The following ARHGAP17 variants were observed in gnomAD, a reference collection of about 807,000 sequenced individuals.
ARHGAP17 encodes rho GTPase-activating protein 17.
A neutral mutation model predicts 99.5 loss-of-function variants in ARHGAP17; 57 were observed. The observed-to-expected ratio is 0.57, with a 90% confidence interval of 0.46 to 0.71. The LOEUF (loss-of-function observed/expected upper bound fraction) is 0.71, where lower values mean the gene tolerates loss of function less well. Ranked by LOEUF, ARHGAP17 falls within the 30% of genes least tolerant of loss-of-function variation. ARHGAP17 has a pLI of 0.00. For synonymous variants in ARHGAP17, 417 were observed against 429.6 expected, an observed-to-expected ratio of 0.97 and a Z score of 0.36; for missense variants, 1,000 against 1,122.4, an observed-to-expected ratio of 0.89 and a Z score of 1.56.
At chr16:24,956,452 G>C (rs1329881306) in intron 9 of ARHGAP17, 1 of 152,230 alleles carries the variant, frequency 6.6e-6, no homozygotes, top group Non-Finnish European at 1.5e-5. Flanking sequence ...CTCAGGAAGA[G>C]GGCAATTGAA....
At chr16:24,989,190 C>T (rs2141417551) in intron 1 of ARHGAP17, among the ~76,000 whole-genome samples, 1 of 152,302 alleles carries the variant, frequency 6.6e-6, no homozygotes, top group African/African-American at 2.4e-5. Context: ...TGACTCAGTG[C>T]TGTGACTGAT....
In ARHGAP17 at chr16:24,949,294, G is replaced by T. The variant is rs201333842; in HGVS notation, c.1127+110C>A. ...TCTCCAAAGTGATGTGGTTTTTTTT[G>T]TTGTTGTTGTTGTTTTTTAATGTGC... On this transcript the variant is annotated intron_variant, in intron 13 of 19. Coordinates refer to ENST00000289968, the MANE Select transcript of ARHGAP17 (RefSeq NM_001006634.3). 5.6e-4 allele frequency: 400 copies of T among 717,362 alleles called. No individual in the cohort carries two copies. In the East Asian group the frequency reaches 8.9e-3, roughly 16 times the overall value. 44.4% of individuals were successfully genotyped at this position (717,362 alleles called of 1,614,324 possible). A position where few individuals can be genotyped will look rare whatever the true frequency, so the allele number is the denominator to read the frequency against.
intron 19 of ARHGAP17, chr16:24,929,598 G>C (rs1040674118): frequency 1.0e-6 from 1 of 987,658 alleles, no homozygotes; most frequent in Non-Finnish European, 1.2e-6. Flanking sequence ...CAAGCTGCTC[G>C]GGGCCATTAC....
intron 7 of ARHGAP17, among the ~76,000 whole-genome samples, chr16:24,963,665 T>C (rs2052082667): frequency 6.6e-6 from 1 of 152,192 alleles, no homozygotes; most frequent in African/African-American, 2.4e-5. Flanking sequence ...CTAATTAATC[T>C]GTAATTTATG....
intron 12 of ARHGAP17, 65 bp from the exon 13 acceptor site, chr16:24,949,549 TG>T (rs1239980679): frequency 7.1e-7 from 1 of 1,407,598 alleles, no homozygotes; most frequent in African/African-American, 1.4e-5. Flanking sequence ...TAATATGCTA[TG>T]TTAAAAATGA....
chr16:24,927,471 C>A (rs1222809353), intron 19 of ARHGAP17, among the ~76,000 whole-genome samples: 3 of 152,172 alleles, frequency 2.0e-5, no homozygotes, highest in Non-Finnish European at 4.4e-5. Flanking sequence ...CAAGGACAGC[C>A]CTGTGACCAC....
chr16:24,960,491 G>A (rs1321127779), intron 7 of ARHGAP17, among the ~76,000 whole-genome samples: 2 of 152,156 alleles, frequency 1.3e-5, no homozygotes, highest in African/African-American at 2.4e-5. Context: ...GTTGCAGTGA[G>A]CTGAGATCGT....
chr16:24,922,759 T>C (rs927476478), intron 19 of ARHGAP17, among the ~76,000 whole-genome samples: 3 of 152,080 alleles, frequency 2.0e-5, no homozygotes, highest in African/African-American at 7.2e-5. Flanking sequence ...CACTGCAGCC[T>C]CCACCTCCTG....
intron 5 of ARHGAP17, 21 bp downstream of exon 5, chr16:24,968,640 G>T: frequency 6.2e-7 from 1 of 1,612,418 alleles, no homozygotes; most frequent in Non-Finnish European, 8.5e-7. Flanking sequence ...GCTCTTCCGT[G>T]CTGCACGGTG....
chr16:24,986,969 C>A (rs967809956), intron 1 of ARHGAP17, among the ~76,000 whole-genome samples: 11 of 152,208 alleles, frequency 7.2e-5, no homozygotes, highest in African/African-American at 2.7e-4. Context: ...CCCTCCTGCA[C>A]CTACGCACCT....
intron 19 of ARHGAP17, among the ~76,000 whole-genome samples, chr16:24,923,745 A>G (rs941000790): frequency 2.0e-5 from 3 of 151,602 alleles, no homozygotes; most frequent in African/African-American, 7.3e-5. Flanking sequence ...AAAAAAAAAA[A>G]AAAGAGAGAA....
intron 19 of ARHGAP17, among the ~76,000 whole-genome samples, chr16:24,927,150 A>T (rs2050863384): frequency 6.6e-6 from 1 of 152,186 alleles, no homozygotes; most frequent in Admixed American, 6.5e-5. Context: ...AGGCGCCTAT[A>T]ATCCCAGGTA....
In ARHGAP17 at chr16:24,939,511, G is replaced by A; in HGVS notation, c.1577C>T (p.Pro526Leu). ...GGTGCTGCCATCTGTGGGCGGAAGT[G>A]GCGGCTGGAAAGCGGGGGATATGTG... ...RKHISPAFQP[P>L]LPPTDGSTVV... The change falls in exon 17 of 20, where the codon CCA becomes CTA. Residue 526 changes from proline (P) to leucine (L), a missense_variant. Coordinates refer to ENST00000289968, the MANE Select transcript of ARHGAP17 (RefSeq NM_001006634.3). The A allele has an allele frequency of 6.2e-7, 1 of 1,611,078 alleles. No homozygotes were observed. Among genetic ancestry groups the A allele is most frequent in the South Asian group, 1.1e-5 (1 of 90,210 alleles).
intron 1 of ARHGAP17, among the ~76,000 whole-genome samples, chr16:24,992,214 A>G (rs2053065336): frequency 6.6e-6 from 1 of 152,254 alleles, no homozygotes; most frequent in Non-Finnish European, 1.5e-5. Flanking sequence ...AATGAAAAGT[A>G]GAATAGCAGG....
chr16:24,941,691 C>G (rs1301367835), intron 16 of ARHGAP17: 1 of 352,330 alleles, frequency 2.8e-6, no homozygotes, highest in Admixed American at 4.5e-5. Flanking sequence ...TCACGTACAT[C>G]TGGGTCACTT....
rs78147021 is a variant in ARHGAP17, at chr16:24,970,554, A to G, written c.225T>C (p.Ala75=). 68 of 1,614,078 alleles carry G rather than the reference A, an allele frequency of 4.2e-5. No individual in the cohort carries two copies. Among genetic ancestry groups the G allele is most frequent in the Non-Finnish European group, 5.8e-5 (68 of 1,180,032 alleles). ...RHKKLPLTAL[A]QNMQEASTQL... ...GAGTCGATGCTTCTTGCATATTTTG[A>G]GCAAGAGCTGTCAGAGGCAGTTTTT... is the stretch of plus-strand genomic sequence containing the variant. The change falls in exon 4 of 20, where the codon GCT becomes GCC. Residue 75 remains alanine, a synonymous_variant. Coordinates refer to ENST00000289968, the MANE Select transcript of ARHGAP17 (RefSeq NM_001006634.3).
chr16:24,970,943 T>C (rs980900208), intron 3 of ARHGAP17, among the ~76,000 whole-genome samples: 6 of 152,196 alleles, frequency 3.9e-5, no homozygotes, highest in Admixed American at 3.9e-4. Flanking sequence ...TGGCATGATC[T>C]TGACTCACTG....
In ARHGAP17 at chr16:24,930,628, A is replaced by T. The variant is rs1597361667; in HGVS notation, c.2515+156T>A. The T allele has an allele frequency of 9.3e-6, 12 of 1,285,352 alleles. No homozygotes were observed. In the East Asian group the frequency reaches 2.8e-4, roughly 30 times the overall value. The allele number at this position is 1,285,352 out of a possible 1,614,324, so 79.6% of individuals were successfully genotyped here. On this transcript the variant is annotated intron_variant, in intron 19 of 19. Transcript: ENST00000289968. Reference sequence around the variant, plus strand: ...AATGGGTGTAGCTGTGTTCCAATAAAACTTTAATGACAAAAACTGGCTGCA... The same window carrying T: ...AATGGGTGTAGCTGTGTTCCAATAATACTTTAATGACAAAAACTGGCTGCA...
At chr16:25,005,632 G>A (rs2141507746) in intron 1 of ARHGAP17, among the ~76,000 whole-genome samples, 1 of 152,292 alleles carries the variant, frequency 6.6e-6, no homozygotes, top group Non-Finnish European at 1.5e-5. Context: ...AGAGACATTT[G>A]TTGAACTAAA....
Sources: gnomAD v4.1 joint callset for allele counts (sites outside exome capture counted in the v4.1 genomes callset) on GRCh38, gnomAD v4.1.1 for gene constraint, MANE v1.5 for transcripts, NCBI Gene and HGNC (gene_info 2026-07-23, HGNC 2026-07-21) for gene names.